Variants in COLGALT1 observed in about 807,000 individuals in gnomAD.
The protein encoded by COLGALT1 is procollagen galactosyltransferase 1.
Under a neutral mutation model 60.8 loss-of-function variants are expected in COLGALT1, and 43 were observed. That is an observed-to-expected ratio of 0.71 (90% CI 0.55 to 0.91). The LOEUF (loss-of-function observed/expected upper bound fraction) is 0.91, where lower values mean the gene tolerates loss of function less well. COLGALT1 is among the 40% of genes least tolerant of loss of function. COLGALT1 has a pLI of 0.00. For synonymous variants in COLGALT1, 369 were observed against 374.2 expected, an observed-to-expected ratio of 0.99 and a Z score of 0.16; for missense variants, 845 against 880.0, an observed-to-expected ratio of 0.96 and a Z score of 0.50.
intron 3 of COLGALT1, among the ~76,000 whole-genome samples, chr19:17,563,550 C>T (rs1471737020): frequency 1.3e-5 from 2 of 152,040 alleles, no homozygotes; most frequent in Admixed American, 6.6e-5. Context: ...AGGGTTTCAC[C>T]GTGTTGGCCA....
rs372806504 is a variant in COLGALT1 at position 17,572,622 on chromosome 19, G to C, written c.949+20G>C. 2 of 1,612,854 alleles carry C rather than the reference G, an allele frequency of 1.2e-6. No homozygotes were observed. The highest frequency in any genetic ancestry group is 1.3e-5 in the African/African-American group (1 of 74,916). ...TCATGGGTGAGTCTGCCTGCACACC[G>C]CCCTGGGAGGTGCCAGGTTGCCTCC... On this transcript the variant is annotated intron_variant, in intron 6 of 11. Transcript: ENST00000252599.
chr19:17,556,095 T>A, intron 1 of COLGALT1, 122 bp downstream of exon 1: 1 of 1,096,874 alleles, frequency 9.1e-7, no homozygotes, highest in Non-Finnish European at 1.2e-6. Context: ...CGCGCGTGCT[T>A]CCTGCTCGCT....
rs1188819622 is a variant in COLGALT1, at chr19:17,581,489, T to A, written c.*45T>A. ...CAAAGCAGCCATCGGTGGCCCAGGC[T>A]CCACGTGCTTACTGAGGACATCAGG... On this transcript the variant is annotated 3_prime_UTR_variant, in exon 12 of 12. Transcript: ENST00000252599. 1 of 1,575,054 alleles carries A rather than the reference T, an allele frequency of 6.3e-7. No homozygotes were observed.
chr19:17,571,853 G>A (rs2076314652), intron 5 of COLGALT1: 1 of 151,398 alleles, frequency 6.6e-6, no homozygotes, highest in Admixed American at 6.6e-5. Flanking sequence ...TTTTTTTTGG[G>A]TTTGTTTTTG....
intron 5 of COLGALT1, among the ~76,000 whole-genome samples, chr19:17,569,563 A>C (rs958986370): frequency 1.3e-5 from 2 of 151,694 alleles, no homozygotes; most frequent in South Asian, 4.2e-4. Flanking sequence ...CAGCCTCCCA[A>C]GTAGCTGGGA....
At chr19:17,568,793 C>A in intron 5 of COLGALT1, 80 bp downstream of exon 5, 2 of 1,369,708 alleles carry the variant, frequency 1.5e-6, no homozygotes, top group Non-Finnish European at 2.1e-6. Context: ...TCAGAACACA[C>A]TGAAGATTCA....
rs1389965542 is a variant in COLGALT1, at chr19:17,571,098, C to T, written c.830-1385C>T. On this transcript the variant is annotated intron_variant, in intron 5 of 11. Coordinates refer to ENST00000252599, the MANE Select transcript of COLGALT1 (RefSeq NM_024656.4). Reference sequence around the variant, plus strand: ...CAAGCCTAAAATACTTACCACCTGGCCCTTTATAGAAGAAATTGACCAATT... The same window carrying T: ...CAAGCCTAAAATACTTACCACCTGGTCCTTTATAGAAGAAATTGACCAATT... Among the ~76,000 whole-genome samples, 4 of 152,160 alleles carry T rather than the reference C, an allele frequency of 2.6e-5. No homozygotes were observed. The East Asian group carries it at 7.8e-4, about 30-fold the overall frequency.
At position 17,581,536 on chromosome 19, in the gene COLGALT1, A is replaced by AGGCCACAGAGGGCTCTCGTGT. The variant is rs1300541213; in HGVS notation, c.*95_*115dup. On this transcript the variant is annotated 3_prime_UTR_variant, in exon 12 of 12. Transcript: ENST00000252599. ...CAGGTCCACCTCTGGACCCCTTGGC[A>AGGCCACAGAGGGCTCTCGTGT]GGCCACAGAGGGCTCTCGTGTGGGG... 134 of 1,464,524 alleles carry AGGCCACAGAGGGCTCTCGTGT rather than the reference A, an allele frequency of 9.1e-5. No homozygotes were observed. Among genetic ancestry groups the AGGCCACAGAGGGCTCTCGTGT allele is most frequent in the Admixed American group, 2.4e-4 (10 of 42,326 alleles). The allele number at this position is 1,464,524 out of a possible 1,614,324, so 90.7% of individuals were successfully genotyped here. A position where few individuals can be genotyped will look rare whatever the true frequency, so the allele number is the denominator to read the frequency against.
At chr19:17,558,165 C>T (rs2076224780) in intron 1 of COLGALT1, among the ~76,000 whole-genome samples, 4 of 151,836 alleles carry the variant, frequency 2.6e-5, no homozygotes, top group Admixed American at 2.6e-4. Context: ...GCTCAAACTC[C>T]TGGCCTCAAG....
intron 5 of COLGALT1, among the ~76,000 whole-genome samples, chr19:17,569,429 C>T (rs2076298870): frequency 6.7e-6 from 1 of 149,838 alleles, no homozygotes; most frequent in South Asian, 2.1e-4. Context: ...TCTATATTCT[C>T]CCAATTTTCT....
intron 1 of COLGALT1, chr19:17,556,486 T>G: frequency 1.0e-6 from 1 of 979,670 alleles, no homozygotes; most frequent in Non-Finnish European, 1.2e-6. Context: ...ACCCCTGCCC[T>G]CAGACCGGCG....
At chr19:17,577,871 G>C in intron 8 of COLGALT1, 86 bp from the exon 9 acceptor site, 1 of 1,524,054 alleles carries the variant, frequency 6.6e-7, no homozygotes, top group Non-Finnish European at 8.8e-7. Context: ...GCTGCTCAAC[G>C]CCGCAGGGGG....
intron 4 of COLGALT1, 93 bp from the exon 5 acceptor site, chr19:17,568,412 GCTGT>G (rs2076291671): frequency 9.5e-7 from 1 of 1,057,370 alleles, no homozygotes; most frequent in African/African-American, 1.6e-5. Context: ...GCTGTGCCTG[GCTGT>G]CTGTCTGGTC....
Position 17,577,340 on chromosome 19 carries a change from TGGGGACTCTCC to T in COLGALT1, c.1027-17_1027-7del. 1 of 1,606,432 alleles carries T rather than the reference TGGGGACTCTCC, an allele frequency of 6.2e-7. No homozygotes were observed. The highest frequency in any genetic ancestry group is 8.5e-7 in the Non-Finnish European group (1 of 1,177,386). ...CCTTGTTTGCAGGGGCTGATCTGGC[TGGGGACTCTCC>T]GGGCTGCAGGTCTTCATGATCAACC... On this transcript the variant is annotated splice_polypyrimidine_tract_variant and intron_variant, in intron 7 of 11. Coordinates refer to ENST00000252599, the MANE Select transcript of COLGALT1 (RefSeq NM_024656.4).
chr19:17,560,990 A>G (rs1420377246), intron 3 of COLGALT1, among the ~76,000 whole-genome samples: 2 of 151,878 alleles, frequency 1.3e-5, no homozygotes, highest in Non-Finnish European at 2.9e-5. Context: ...GGATCACTTG[A>G]GGTCAGGAGG....
chr19:17,582,426 A>T lies in COLGALT1; in HGVS notation c.*982A>T, dbSNP rs2076389904. 1 of 152,180 alleles carries T rather than the reference A, an allele frequency of 6.6e-6. No homozygotes were observed. 9.4% of individuals were successfully genotyped at this position (152,180 alleles called of 1,614,324 possible). On this transcript the variant is annotated 3_prime_UTR_variant, in exon 12 of 12. Transcript: ENST00000252599. ...TTTTTCTTTTTTTCCTCACTGCTAGACGGTGTGGGAACTTCTCACTCATTG... is the reference window on the plus strand; with the variant it reads ...TTTTTCTTTTTTTCCTCACTGCTAGTCGGTGTGGGAACTTCTCACTCATTG...
intron 5 of COLGALT1, among the ~76,000 whole-genome samples, chr19:17,571,040 A>G (rs894877489): frequency 9.9e-5 from 15 of 152,232 alleles, no homozygotes; most frequent in African/African-American, 3.4e-4. Context: ...CACAGGCAGA[A>G]CAGAGTCATT....
At chr19:17,567,652 A>G in intron 4 of COLGALT1, 112 bp downstream of exon 4, 1 of 1,283,858 alleles carries the variant, frequency 7.8e-7, no homozygotes, top group Non-Finnish European at 1.1e-6. Context: ...AAAAATCATC[A>G]TGGAAGCTGG....
rs1430574596 is a variant in COLGALT1, at chr19:17,579,858, CTGGGTG to C, written c.1394+253_1394+258del. The C allele has an allele frequency of 2.5e-5, 13 of 517,514 alleles. No individual in the cohort carries two copies. In the East Asian group the frequency reaches 3.7e-4, roughly 15 times the overall value. 32.1% of individuals were successfully genotyped at this position (517,514 alleles called of 1,614,324 possible). On this transcript the variant is annotated intron_variant, in intron 10 of 11. Transcript: ENST00000252599. ...GCAGCTGAGCCTAGAGCCTGTATGT[CTGGGTG>C]TGGTCAGGGTGGCAGGCGTGGCCAA... is the stretch of plus-strand genomic sequence containing the variant.
Sources: allele counts gnomAD v4.1 joint callset (sites outside exome capture counted in the v4.1 genomes callset), GRCh38; gene constraint gnomAD v4.1.1; transcripts MANE v1.5; gene names NCBI Gene and HGNC (gene_info 2026-07-23, HGNC 2026-07-21).